Variants in RGS6 observed in about 807,000 individuals in gnomAD.
RGS6 encodes regulator of G-protein signaling 6.
In RGS6, 30 loss-of-function variants were observed where a neutral mutation model predicts 78.5. The observed-to-expected ratio is 0.38, with a 90% confidence interval of 0.29 to 0.52. The LOEUF (loss-of-function observed/expected upper bound fraction) is 0.52, where lower values mean the gene tolerates loss of function less well. Among genes scored for constraint, RGS6 ranks in the 20% least tolerant of loss-of-function variants. RGS6 has a pLI of 0.85. For synonymous variants in RGS6, 206 were observed against 206.0 expected (o/e 1.00, Z 0.00); for missense variants, 495 against 609.7 (o/e 0.81, Z 1.98).
chr14:72,500,415 C>T (rs1289252375), intron 13 of RGS6, among the ~76,000 whole-genome samples: 1 of 152,204 alleles, frequency 6.6e-6, no homozygotes. Context: ...CATCACACTC[C>T]AGCCAAGGGA....
chr14:72,476,709 T>G (rs771290413), intron 10 of RGS6, 33 bp from the exon 11 acceptor site: 7 of 1,596,678 alleles, frequency 4.4e-6, no homozygotes, highest in South Asian at 1.1e-5. Context: ...ATTCTGTGGG[T>G]GGATGATCCT....
intron 13 of RGS6, among the ~76,000 whole-genome samples, chr14:72,500,322 T>C (rs538282605): frequency 6.6e-6 from 1 of 152,332 alleles, no homozygotes; most frequent in Admixed American, 6.5e-5. Context: ...AACGAAGCCC[T>C]GTTTCTTCTC....
chr14:72,187,651 G>A (rs934620932), intron 2 of RGS6, among the ~76,000 whole-genome samples: 5 of 152,032 alleles, frequency 3.3e-5, no homozygotes, highest in Non-Finnish European at 5.9e-5. Context: ...GAAAAAAAAA[G>A]AGCCTAACAC....
intron 2 of RGS6, among the ~76,000 whole-genome samples, chr14:72,016,266 G>A (rs1485184141): frequency 2.0e-5 from 3 of 152,184 alleles, no homozygotes; most frequent in African/African-American, 7.2e-5. Flanking sequence ...TGGATGTCCA[G>A]TTGTCTCAGT....
At chr14:72,275,034 A>G (rs1653646983) in intron 2 of RGS6, among the ~76,000 whole-genome samples, 1 of 152,120 alleles carries the variant, frequency 6.6e-6, no homozygotes, top group South Asian at 2.1e-4. Context: ...AAAGTTTGTC[A>G]CCCTGGTTCC....
chr14:72,097,938 A>G (rs1302183905), intron 2 of RGS6, among the ~76,000 whole-genome samples: 1 of 152,242 alleles, frequency 6.6e-6, no homozygotes, highest in Non-Finnish European at 1.5e-5. Context: ...GCGGGAATGT[A>G]TAGTCAACTA....
At chr14:72,295,055 G>T (rs1405337858) in intron 2 of RGS6, among the ~76,000 whole-genome samples, 2 of 152,070 alleles carry the variant, frequency 1.3e-5, no homozygotes, top group Non-Finnish European at 2.9e-5. Context: ...ACTTTGGGAG[G>T]CCGAGGCGGG....
chr14:71,986,882 C>G (rs11627768), intron 2 of RGS6, among the ~76,000 whole-genome samples: 23,242 of 152,138 alleles, frequency 0.15, 1,918 homozygotes, highest in East Asian at 0.21. Context: ...CATAGCCCCA[C>G]ATCAGTCCCA....
chr14:72,067,731 G>C (rs185195088), intron 2 of RGS6, among the ~76,000 whole-genome samples: 1 of 152,040 alleles, frequency 6.6e-6, no homozygotes, highest in South Asian at 2.1e-4. Context: ...TGAAGTTTGC[G>C]CGTACAGCTA....
chr14:72,214,056 C>T (rs1395220422), intron 2 of RGS6, among the ~76,000 whole-genome samples: 1 of 143,132 alleles, frequency 7.0e-6, no homozygotes, highest in East Asian at 2.1e-4. Flanking sequence ...CAACTTATTT[C>T]TGGGATAGAG....
At chr14:71,957,491 C>T (rs952646621) in intron 1 of RGS6, among the ~76,000 whole-genome samples, 1 of 152,026 alleles carries the variant, frequency 6.6e-6, no homozygotes, top group African/African-American at 2.4e-5. Context: ...GGTTAAAGTT[C>T]AGAGAGGAGA....
chr14:72,084,406 C>T (rs1597301866), intron 2 of RGS6, among the ~76,000 whole-genome samples: 2 of 152,186 alleles, frequency 1.3e-5, no homozygotes, highest in South Asian at 4.1e-4. Flanking sequence ...AGGTTTGGGA[C>T]ACCTGTCCTA....
chr14:72,314,052 G>A (rs2069367850), intron 2 of RGS6, among the ~76,000 whole-genome samples: 1 of 152,142 alleles, frequency 6.6e-6, no homozygotes. Context: ...AGTATCTGTG[G>A]GTTTGGGTAT....
intron 2 of RGS6, among the ~76,000 whole-genome samples, chr14:72,026,982 G>T (rs944872217): frequency 2.0e-5 from 3 of 152,218 alleles, no homozygotes; most frequent in East Asian, 3.9e-4. Context: ...TTTGAGAAGA[G>T]TCCAGACATT....
chr14:72,029,657 T>C (rs1441111046), intron 2 of RGS6, among the ~76,000 whole-genome samples: 1 of 152,128 alleles, frequency 6.6e-6, no homozygotes, highest in Non-Finnish European at 1.5e-5. Flanking sequence ...ATGTGATAAA[T>C]ATGTTCCAAA....
chr14:72,152,241 AGAGAGTGT>A (rs1464121167), intron 2 of RGS6, among the ~76,000 whole-genome samples: 63 of 118,868 alleles, frequency 5.3e-4, no homozygotes, highest in Admixed American at 1.1e-3. Context: ...AGAGAGAGAG[AGAGAGTGT>A]GTGTGTGTGT....
At chr14:72,616,794 T>C in the RGS6 span, among the ~76,000 whole-genome samples, 1 of 152,176 alleles carries the variant, frequency 6.6e-6, no homozygotes, top group Non-Finnish European at 1.5e-5. Flanking sequence ...AAGAGACCAA[T>C]TTAAAGTTTA....
chr14:72,398,056 C>T (rs569255685), intron 3 of RGS6, among the ~76,000 whole-genome samples: 1 of 152,128 alleles, frequency 6.6e-6, no homozygotes, highest in Non-Finnish European at 1.5e-5. Flanking sequence ...CAGGATGACG[C>T]TGGCCTCATA....
Position 72,352,071 on chromosome 14 carries a change from CTTCTT to C in RGS6, c.85-17_85-13del, listed in dbSNP as rs751120971. ...AATTACATTATGGGAGAAAATAACACTTCTTTTCTTTAACCTCTTTCAGATTGAAG... is the reference window on the plus strand; with the variant it reads ...AATTACATTATGGGAGAAAATAACACTTCTTTAACCTCTTTCAGATTGAAG... On this transcript the variant is annotated intron_variant, in intron 2 of 17. Coordinates refer to ENST00000553525, the MANE Select transcript of RGS6 (RefSeq NM_001204424.2). 2.5e-4 allele frequency: 390 copies of C among 1,540,482 alleles called. 1 individual carries two copies. Among genetic ancestry groups the C allele is most frequent in the Middle Eastern group, 3.4e-4 (2 of 5,904 alleles).
Sources: gnomAD v4.1 joint callset for allele counts (sites outside exome capture counted in the v4.1 genomes callset) on GRCh38, gnomAD v4.1.1 for gene constraint, MANE v1.5 for transcripts, NCBI Gene and HGNC (gene_info 2026-07-23, HGNC 2026-07-21) for gene names.